RAET1G: variants seen among roughly 807,000 people sequenced by gnomAD.
The protein encoded by RAET1G is retinoic acid early transcript 1G, also known as UL-16 binding protein 5.
Under a neutral mutation model 29.5 loss-of-function variants are expected in RAET1G, and 25 were observed. The ratio of observed to expected loss-of-function variants is 0.85; its 90% CI spans 0.62 to 1.18. The LOEUF is 1.18. Among genes scored for constraint, RAET1G ranks in the 50% most tolerant of loss-of-function variants. RAET1G has a pLI of 0.00. For synonymous variants in RAET1G, 167 were observed against 159.5 expected (o/e 1.05, Z -0.36); for missense variants, 434 against 423.6 (o/e 1.02, Z -0.22).
chr6:149,918,929 C>G, intron 3 of RAET1G, 114 bp downstream of exon 3: 1 of 1,535,106 alleles, frequency 6.5e-7, no homozygotes, highest in Non-Finnish European at 8.8e-7. Context: ...ACGAGGAGGT[C>G]ATTTTAACAT....
chr6:149,919,711 T>C lies in RAET1G; in HGVS notation c.191A>G (p.Tyr64Cys), dbSNP rs1778551235. The C allele has an allele frequency of 1.2e-6, 2 of 1,613,800 alleles. No homozygotes were observed. The highest frequency in any genetic ancestry group is 1.7e-6 in the Non-Finnish European group (2 of 1,179,874). Residue 64 changes from tyrosine to cysteine, a missense_variant, in exon 2 of 5, where the codon TAT (tyrosine) becomes TGT (cysteine). By Grantham distance (194) the Tyr-to-Cys change is radical (BLOSUM62 -2). Transcript: ENST00000367360. Reference protein sequence around the residue: ...GQVDEKTFLHYDCGSKTVTPV... With the variant: ...GQVDEKTFLHCDCGSKTVTPV... ...TGTGACTGTCTTGCTGCCACAGTCA[T>C]AGTGAAGAAAAGTCTTTTCATCCAC...
intron 3 of RAET1G, 112 bp downstream of exon 3, chr6:149,918,930 AT>A: frequency 1.3e-6 from 2 of 1,539,034 alleles, no homozygotes; most frequent in African/African-American, 1.4e-5. Flanking sequence ...CGAGGAGGTC[AT>A]TTTAACATAA....
In RAET1G at chr6:149,917,958, G is replaced by A. The variant is rs9968851; in HGVS notation, c.842+216C>T. On this transcript the variant is annotated intron_variant, in intron 4 of 4. Coordinates refer to ENST00000367360, the MANE Select transcript of RAET1G (RefSeq NM_001001788.4). ...CTGAGCCTTGGTATGGCACCACTGC[G>A]CCTTTCCCTCTGGCCTTTGATGGTG... Among the ~76,000 whole-genome samples, 5,463 of 152,254 alleles carry A rather than the reference G, an allele frequency of 0.036. 335 individuals carry two copies. Among genetic ancestry groups the A allele is most frequent in the African/African-American group, 0.13 (5,251 of 41,538 alleles).
rs1778555073 is a variant in RAET1G, at chr6:149,919,817, C to T, written c.86-1G>A. 1 of 1,612,032 alleles carries T rather than the reference C, an allele frequency of 6.2e-7. No individual in the cohort carries two copies. Among genetic ancestry groups the T allele is most frequent in the Non-Finnish European group, 8.5e-7 (1 of 1,179,846 alleles). On this transcript the variant is annotated splice_acceptor_variant, in intron 1 of 4. Coordinates refer to ENST00000367360, the MANE Select transcript of RAET1G (RefSeq NM_001001788.4). LOFTEE classifies it high-confidence loss of function. The stretch of plus-strand genomic sequence containing the variant: ...ATGTCATAGCAAAGAGAGTGAGGGT[C>T]TGTGGAGAAAGGCAGGTGAGGGGTG...
chr6:149,921,270 G>A lies in RAET1G; in HGVS notation c.86-1454C>T, dbSNP rs189797460. Among the ~76,000 whole-genome samples the A allele has an allele frequency of 3.9e-5, 6 of 152,334 alleles. No individual in the cohort carries two copies. In the East Asian group the frequency reaches 7.7e-4, roughly 20 times the overall value. On this transcript the variant is annotated intron_variant, in intron 1 of 4. Coordinates refer to ENST00000367360, the MANE Select transcript of RAET1G (RefSeq NM_001001788.4). ...CCCTAAGATCCTAGAGGTGCATGTG[G>A]TTCCAATGTCTAATTGGAGAATCAC...
chr6:149,920,106 G>A (rs796495563), intron 1 of RAET1G, among the ~76,000 whole-genome samples: 8 of 152,226 alleles, frequency 5.3e-5, no homozygotes, highest in African/African-American at 1.7e-4. Context: ...GAGGTGCCAG[G>A]AGTGCTAGAG....
intron 1 of RAET1G, among the ~76,000 whole-genome samples, chr6:149,922,471 T>A (rs574032563): frequency 6.6e-6 from 1 of 151,778 alleles, no homozygotes; most frequent in Non-Finnish European, 1.5e-5. Flanking sequence ...GCCCTGGGGG[T>A]GCTGGAAGGT....
intron 1 of RAET1G, among the ~76,000 whole-genome samples, chr6:149,920,085 A>G (rs1425057819): frequency 6.6e-6 from 1 of 152,158 alleles, no homozygotes; most frequent in African/African-American, 2.4e-5. Flanking sequence ...TCAACACAGG[A>G]CCTTGCTAGA....
Position 149,918,331 on chromosome 6 carries a change from G to T in RAET1G, c.685C>A (p.Leu229Ile). The T allele has an allele frequency of 6.2e-7, 1 of 1,614,156 alleles. No individual in the cohort carries two copies. Among genetic ancestry groups the T allele is most frequent in the African/African-American group, 1.3e-5 (1 of 75,052 alleles). The part of the protein sequence containing the change: ...TAQPRATATT[L>I]ILCCLLIMCL... ...ATGATGAGGAGGCAGCAAAGGATGA[G>T]GGTGGTGGCCGTGGCCCTGGGTTGG... The change falls in exon 4 of 5, where the codon CTC (leucine) becomes ATC (isoleucine). Residue 229 changes from leucine to isoleucine, a missense_variant. By Grantham distance (5) the Leu-to-Ile change is conservative (BLOSUM62 2). Transcript: ENST00000367360.
Position 149,919,059 on chromosome 6 carries a change from C to A in RAET1G, c.615G>T (p.Leu205=). ...EDFLMGMDST[L]EPSAGAPPTM... ...TCCTGTTACCTCCTGCACTTGGCTCCAGGGTGCTGTCCATGCCCATCAAGA... is the reference window on the plus strand; with the variant it reads ...TCCTGTTACCTCCTGCACTTGGCTCAAGGGTGCTGTCCATGCCCATCAAGA... Residue 205 remains leucine, a synonymous_variant, in exon 3 of 5, where the codon CTG becomes CTT. Transcript: ENST00000367360. The A allele has an allele frequency of 6.2e-7, 1 of 1,614,164 alleles. No individual in the cohort carries two copies. Among genetic ancestry groups the A allele is most frequent in the South Asian group, 1.1e-5 (1 of 91,070 alleles).
rs1416394309 is a variant in RAET1G, at chr6:149,918,243, A to G, written c.773T>C (p.Leu258Pro). ...TQSHGHHPQS[L>P]QPPPHPPLLH... Reference sequence around the variant, plus strand: ...CAGGGGAGGATGAGGAGGAGGCTGCAGGGACTGAGGGTGGTGGCCATGGCT... The same window carrying G: ...CAGGGGAGGATGAGGAGGAGGCTGCGGGGACTGAGGGTGGTGGCCATGGCT... The change falls in exon 4 of 5, where the codon CTG becomes CCG. Residue 258 changes from leucine (L) to proline (P), a missense_variant. Leu to Pro is a moderately conservative substitution (Grantham distance 98). Transcript: ENST00000367360. 1 of 1,614,158 alleles carries G rather than the reference A, an allele frequency of 6.2e-7. No individual in the cohort carries two copies. The highest frequency in any genetic ancestry group is 1.1e-5 in the South Asian group (1 of 91,084).
chr6:149,917,727 C>A (rs1371005920), intron 4 of RAET1G, among the ~76,000 whole-genome samples: 1 of 152,132 alleles, frequency 6.6e-6, no homozygotes, highest in Non-Finnish European at 1.5e-5. Context: ...GGCTTGCCGC[C>A]CACACATATC....
At chr6:149,918,102 G>T in intron 4 of RAET1G, 72 bp downstream of exon 4, 1 of 1,347,858 alleles carries the variant, frequency 7.4e-7, no homozygotes. Flanking sequence ...GTGGGACTCT[G>T]GGAATTCTCC....
At chr6:149,922,214 G>A (rs532500942) in intron 1 of RAET1G, among the ~76,000 whole-genome samples, 1 of 152,160 alleles carries the variant, frequency 6.6e-6, no homozygotes, top group South Asian at 2.1e-4. Flanking sequence ...GGGGAGCTTG[G>A]GGTGTGTTTG....
At chr6:149,921,372 C>T (rs1316977510) in intron 1 of RAET1G, among the ~76,000 whole-genome samples, 2 of 152,362 alleles carry the variant, frequency 1.3e-5, no homozygotes, top group East Asian at 3.9e-4. Flanking sequence ...TAAAAAGTGT[C>T]TCCTGTAGAG....
chr6:149,917,792 G>A (rs1778482536), intron 4 of RAET1G, among the ~76,000 whole-genome samples: 2 of 152,070 alleles, frequency 1.3e-5, no homozygotes, highest in African/African-American at 4.8e-5. Flanking sequence ...CTCATGTAAA[G>A]CTACCCTGAT....
At chr6:149,921,603 G>A (rs769163928) in intron 1 of RAET1G, among the ~76,000 whole-genome samples, 1 of 152,156 alleles carries the variant, frequency 6.6e-6, no homozygotes, top group Non-Finnish European at 1.5e-5. Context: ...AGGACACCAC[G>A]TGGCTGCACC....
At chr6:149,918,067 G>C in intron 4 of RAET1G, 107 bp downstream of exon 4, 1 of 968,424 alleles carries the variant, frequency 1.0e-6, no homozygotes, top group East Asian at 2.6e-5. Flanking sequence ...CTCATGTTAG[G>C]ATGAGAAGGT....
intron 1 of RAET1G, among the ~76,000 whole-genome samples, chr6:149,921,208 G>T (rs765617186): frequency 5.9e-5 from 9 of 152,222 alleles, no homozygotes; most frequent in Non-Finnish European, 1.3e-4. Context: ...GAATGAGCGA[G>T]GCTGGACCTG....
Sources: allele counts gnomAD v4.1 joint callset (sites outside exome capture counted in the v4.1 genomes callset), GRCh38; gene constraint gnomAD v4.1.1; transcripts MANE v1.5; gene names NCBI Gene and HGNC (gene_info 2026-07-23, HGNC 2026-07-21).